Variants in SYT9 observed in about 807,000 individuals in gnomAD.
The protein encoded by SYT9 is synaptotagmin-9.
SYT9 carries 22 observed loss-of-function variants against 48.4 expected under a neutral mutation model. That is an observed-to-expected ratio of 0.45 (90% CI 0.32 to 0.65). SYT9 has a LOEUF of 0.65. Among genes scored for constraint, SYT9 ranks in the 30% least tolerant of loss-of-function variants. The pLI, the probability that SYT9 is intolerant of heterozygous loss-of-function variation, is 0.03. For synonymous variants in SYT9, 265 were observed against 245.0 expected (o/e 1.08, Z -0.76); for missense variants, 577 against 622.0 (o/e 0.93, Z 0.77).
At chr11:7,241,712 C>T (rs1552463) in intron 1 of SYT9, among the ~76,000 whole-genome samples, 15,027 of 152,212 alleles carry the variant, frequency 0.099, 1,165 homozygotes, top group African/African-American at 0.21. Context: ...ATCACCTGGG[C>T]TTTAATCAAT....
intron 4 of SYT9, 25 bp downstream of exon 4, chr11:7,416,187 T>G: frequency 1.2e-6 from 2 of 1,613,772 alleles, no homozygotes; most frequent in Non-Finnish European, 1.7e-6. Context: ...AATTCAGACT[T>G]CCTCATGCAC....
intron 3 of SYT9, among the ~76,000 whole-genome samples, chr11:7,328,133 G>T (rs1849468625): frequency 6.6e-6 from 1 of 151,268 alleles, no homozygotes; most frequent in Non-Finnish European, 1.5e-5. Context: ...GTTTTGTCTT[G>T]TATATTTCTA....
At chr11:7,386,592 T>G (rs985696275) in intron 3 of SYT9, among the ~76,000 whole-genome samples, 6 of 152,096 alleles carry the variant, frequency 3.9e-5, no homozygotes, top group Non-Finnish European at 7.4e-5. Flanking sequence ...TCAAAACCAC[T>G]ATGAGATACC....
At chr11:7,428,038 G>T (rs1847497901) in intron 6 of SYT9, 1 of 152,062 alleles carries the variant, frequency 6.6e-6, no homozygotes, top group African/African-American at 2.4e-5. Context: ...TTCTTGTATT[G>T]AATTATCTGT....
At chr11:7,320,900 C>A (rs946330419) in intron 3 of SYT9, among the ~76,000 whole-genome samples, 14 of 152,148 alleles carry the variant, frequency 9.2e-5, no homozygotes, top group African/African-American at 3.4e-4. Flanking sequence ...GGGGGAAGGT[C>A]AAAATTTCGG....
At chr11:7,436,964 G>A (rs541889133) in intron 6 of SYT9, among the ~76,000 whole-genome samples, 4 of 152,358 alleles carry the variant, frequency 2.6e-5, no homozygotes, top group African/African-American at 9.6e-5. Context: ...AGATAACTGT[G>A]TGAGGATGAT....
rs1055610088 is a variant in SYT9, at chr11:7,294,666, GC to G, written c.146-8367del. Among the ~76,000 whole-genome samples the G allele has an allele frequency of 9.9e-5, 15 of 152,220 alleles. No homozygotes were observed. In the South Asian group the frequency reaches 1.9e-3, roughly 19 times the overall value. ...ATAATCCTCTTTGGCTTAATATTCT[GC>G]CCCCCAGGCTCACTGGGACTGAGGG... is the stretch of plus-strand genomic sequence containing the variant. On this transcript the variant is annotated intron_variant, in intron 1 of 6. Coordinates refer to ENST00000318881, the MANE Select transcript of SYT9 (RefSeq NM_175733.4).
At chr11:7,351,483 G>A (rs144728371) in intron 3 of SYT9, among the ~76,000 whole-genome samples, 7 of 152,208 alleles carry the variant, frequency 4.6e-5, no homozygotes, top group East Asian at 3.9e-4. Flanking sequence ...GCTGTATGTC[G>A]GACTGGAGCT....
intron 3 of SYT9, among the ~76,000 whole-genome samples, chr11:7,371,486 CTT>C (rs1245164300): frequency 6.9e-6 from 1 of 145,388 alleles, no homozygotes; most frequent in Non-Finnish European, 1.6e-5. Context: ...TCTTAAATCT[CTT>C]ATATATAGAA....
intron 3 of SYT9, among the ~76,000 whole-genome samples, chr11:7,383,670 C>G (rs16925591): frequency 2.0e-5 from 3 of 151,802 alleles, no homozygotes; most frequent in Non-Finnish European, 4.4e-5. Context: ...AAGACATTTT[C>G]TCATTTAGCC....
chr11:7,356,176 G>A (rs953183117), intron 3 of SYT9, among the ~76,000 whole-genome samples: 2 of 152,164 alleles, frequency 1.3e-5, no homozygotes, highest in African/African-American at 2.4e-5. Flanking sequence ...GTCAAAAAAC[G>A]GTGATGATCC....
intron 1 of SYT9, among the ~76,000 whole-genome samples, chr11:7,268,989 C>T (rs758087480): frequency 2.6e-4 from 39 of 152,220 alleles, no homozygotes; most frequent in South Asian, 8.3e-4. Flanking sequence ...GTGATGTCTT[C>T]TGTGACTGGG....
intron 3 of SYT9, among the ~76,000 whole-genome samples, chr11:7,370,106 G>C (rs985089003): frequency 6.6e-6 from 1 of 151,818 alleles, no homozygotes; most frequent in Non-Finnish European, 1.5e-5. Flanking sequence ...ATGCCTTTAC[G>C]TCCTCATAGC....
At chr11:7,410,347 G>A (rs772201515) in intron 3 of SYT9, among the ~76,000 whole-genome samples, 30 of 152,310 alleles carry the variant, frequency 2.0e-4, no homozygotes, top group Non-Finnish European at 3.7e-4. Flanking sequence ...GTGTGTGTTA[G>A]TTCCACTTGG....
upstream of SYT9, among the ~76,000 whole-genome samples, chr11:7,247,684 G>GTGTATA (rs1554895413): frequency 7.0e-6 from 1 of 142,972 alleles, no homozygotes; most frequent in Non-Finnish European, 1.5e-5. Context: ...ATATATGTGT[G>GTGTATA]TATATATATA....
intron 6 of SYT9, among the ~76,000 whole-genome samples, chr11:7,464,319 A>AT (rs1848290842): frequency 6.6e-6 from 1 of 152,196 alleles, no homozygotes; most frequent in Non-Finnish European, 1.5e-5. Flanking sequence ...ATCTGGCTAG[A>AT]TTTAGGGAGT....
chr11:7,358,160 T>C (rs1295196701), intron 3 of SYT9, among the ~76,000 whole-genome samples: 2 of 152,134 alleles, frequency 1.3e-5, no homozygotes, highest in African/African-American at 4.8e-5. Flanking sequence ...GAACGACGAA[T>C]ACTGTTTTAT....
chr11:7,385,369 T>TGG (rs1554916984), intron 3 of SYT9, among the ~76,000 whole-genome samples: 1 of 147,896 alleles, frequency 6.8e-6, no homozygotes, highest in Admixed American at 6.8e-5. Flanking sequence ...TGTGTGTGTG[T>TGG]GCGTGTGTGT....
intron 3 of SYT9, among the ~76,000 whole-genome samples, chr11:7,358,387 C>A (rs1037626769): frequency 6.6e-6 from 1 of 152,058 alleles, no homozygotes; most frequent in African/African-American, 2.4e-5. Flanking sequence ...ATTCTCATAA[C>A]GATTGTCATT....
Sources: gnomAD v4.1 joint callset for allele counts (sites outside exome capture counted in the v4.1 genomes callset) on GRCh38, gnomAD v4.1.1 for gene constraint, MANE v1.5 for transcripts, NCBI Gene and HGNC (gene_info 2026-07-23, HGNC 2026-07-21) for gene names.